Variants in ZEB1 observed in about 807,000 individuals in gnomAD.
ZEB1 encodes zinc finger E-box-binding homeobox 1.
Under a neutral mutation model 84.9 loss-of-function variants are expected in ZEB1, and 21 were observed. The ratio of observed to expected loss-of-function variants is 0.25; its 90% confidence interval spans 0.18 to 0.36. The LOEUF (loss-of-function observed/expected upper bound fraction) is 0.36. ZEB1 is among the 10% of genes least tolerant of loss of function. ZEB1 has a pLI of 1.00. For missense variants in ZEB1, 1,104 were observed against 1,330.2 expected, an observed-to-expected ratio of 0.83 and a Z score of 2.65; for synonymous variants, 420 against 471.1, an observed-to-expected ratio of 0.89 and a Z score of 1.41.
intron 1 of ZEB1, among the ~76,000 whole-genome samples, chr10:31,445,094 C>A (rs372435738): frequency 7.8e-6 from 1 of 128,918 alleles, no homozygotes; most frequent in African/African-American, 4.5e-5. Context: ...ATTTCCTTGA[C>A]CAGTGGTTTG....
In ZEB1 at chr10:31,409,391, C is replaced by T. The variant is rs1385346362; in HGVS notation, c.59-51646C>T. Among the ~76,000 whole-genome samples, 2 of 152,162 alleles carry T rather than the reference C, an allele frequency of 1.3e-5. 1 individual carries two copies. The highest frequency in any genetic ancestry group is 4.1e-4 in the South Asian group (2 of 4,830). On this transcript the variant is annotated intron_variant, in intron 1 of 8. Coordinates refer to ENST00000424869, the MANE Select transcript of ZEB1 (RefSeq NM_001174096.2). ...TGGTCTATATGTTTTGATACCAGTACCATGCTGTTTTGGTTACTGTAGCCT... is the reference window on the plus strand; with the variant it reads ...TGGTCTATATGTTTTGATACCAGTATCATGCTGTTTTGGTTACTGTAGCCT...
At chr10:31,416,444 T>C (rs1005064770) in intron 1 of ZEB1, among the ~76,000 whole-genome samples, 7 of 152,148 alleles carry the variant, frequency 4.6e-5, no homozygotes, top group African/African-American at 1.7e-4. Flanking sequence ...AAGCTCACAA[T>C]TACCTACATA....
intron 1 of ZEB1, among the ~76,000 whole-genome samples, chr10:31,451,651 A>G (rs1372517850): frequency 3.3e-5 from 5 of 152,140 alleles, no homozygotes; most frequent in Non-Finnish European, 7.4e-5. Context: ...CTTTTTTGGG[A>G]CTGAATTTAA....
At chr10:31,379,541 T>C (rs1181614383) in intron 1 of ZEB1, among the ~76,000 whole-genome samples, 1 of 152,022 alleles carries the variant, frequency 6.6e-6, no homozygotes, top group Non-Finnish European at 1.5e-5. Flanking sequence ...AAATAAATCT[T>C]TTAAAGCGTG....
chr10:31,529,740 T>G lies in ZEB1; in HGVS notation c.*2476T>G, dbSNP rs1379568341. 1 of 152,246 alleles carries G rather than the reference T, an allele frequency of 6.6e-6. No individual in the cohort carries two copies. Among genetic ancestry groups the G allele is most frequent in the Non-Finnish European group, 1.5e-5 (1 of 68,040 alleles). The allele number at this position is 152,246 out of a possible 1,614,324, so 9.4% of individuals were successfully genotyped here. A position where few individuals can be genotyped will look rare whatever the true frequency, so the allele number is the denominator to read the frequency against. ...ATGTTAAATGATCTAATAATTTGAT[T>G]ATTTTCTTATAAGTCTTATTAAACA... On this transcript the variant is annotated 3_prime_UTR_variant, in exon 9 of 9. Coordinates refer to ENST00000424869, the MANE Select transcript of ZEB1 (RefSeq NM_001174096.2).
chr10:31,318,935 C>A, upstream of ZEB1: 1 of 482,540 alleles, frequency 2.1e-6, no homozygotes, highest in Non-Finnish European at 3.8e-6. Flanking sequence ...CTGACCGCGT[C>A]CCTACGGTTT....
chr10:31,397,418 G>A (rs1364169409), intron 1 of ZEB1, among the ~76,000 whole-genome samples: 1 of 151,826 alleles, frequency 6.6e-6, no homozygotes, highest in Non-Finnish European at 1.5e-5. Context: ...TCAGTAAAAG[G>A]ACAGCTCAAT....
chr10:31,388,890 C>CTA (rs1293985827), intron 1 of ZEB1, among the ~76,000 whole-genome samples: 2 of 151,936 alleles, frequency 1.3e-5, no homozygotes. Context: ...ATAGAAATAA[C>CTA]TAAACAGGTT....
At chr10:31,467,833 A>G (rs747888366) in intron 2 of ZEB1, among the ~76,000 whole-genome samples, 2 of 152,024 alleles carry the variant, frequency 1.3e-5, no homozygotes, top group South Asian at 2.1e-4. Context: ...GGAAGGGTAT[A>G]GCCTCATAGC....
chr10:31,446,153 A>G (rs2059738896), intron 1 of ZEB1, among the ~76,000 whole-genome samples: 1 of 152,146 alleles, frequency 6.6e-6, no homozygotes, highest in East Asian at 1.9e-4. Context: ...GGGAGAGTGT[A>G]TGTGTCGAGG....
At chr10:31,443,732 G>C (rs1228946973) in intron 1 of ZEB1, among the ~76,000 whole-genome samples, 2 of 150,090 alleles carry the variant, frequency 1.3e-5, no homozygotes, top group African/African-American at 2.5e-5. Flanking sequence ...TCCTTACAAA[G>C]GACATGAACT....
intron 1 of ZEB1, among the ~76,000 whole-genome samples, chr10:31,395,648 C>T (rs1159670249): frequency 6.6e-6 from 1 of 152,112 alleles, no homozygotes; most frequent in Admixed American, 6.6e-5. Flanking sequence ...GAACCCTGAA[C>T]ATCAGAGAGC....
intron 1 of ZEB1, among the ~76,000 whole-genome samples, chr10:31,344,645 G>A (rs911480468): frequency 1.3e-5 from 2 of 152,084 alleles, no homozygotes; most frequent in African/African-American, 2.4e-5. Context: ...AAAAGAACTA[G>A]TTACCTTTAC....
At chr10:31,415,942 C>T (rs1291316896) in intron 1 of ZEB1, among the ~76,000 whole-genome samples, 1 of 152,032 alleles carries the variant, frequency 6.6e-6, no homozygotes, top group African/African-American at 2.4e-5. Flanking sequence ...AGCGTTAGAA[C>T]ATGGGATATC....
At chr10:31,396,600 A>C (rs1590811745) in intron 1 of ZEB1, among the ~76,000 whole-genome samples, 1 of 152,320 alleles carries the variant, frequency 6.6e-6, no homozygotes, top group East Asian at 1.9e-4. Flanking sequence ...AGCAGAAATC[A>C]CAAGCTGGTG....
chr10:31,444,757 T>A (rs1000996123), intron 1 of ZEB1, among the ~76,000 whole-genome samples: 87 of 151,902 alleles, frequency 5.7e-4, no homozygotes, highest in African/African-American at 9.5e-4. Context: ...GGCTCTGTTC[T>A]GTTCCATTGA....
chr10:31,324,418 A>G (rs1370323255), intron 1 of ZEB1, among the ~76,000 whole-genome samples: 1 of 152,048 alleles, frequency 6.6e-6, no homozygotes, highest in Non-Finnish European at 1.5e-5. Context: ...ACCTGTATAA[A>G]TCACTTTTAA....
intron 2 of ZEB1, among the ~76,000 whole-genome samples, chr10:31,491,454 G>A (rs1456503275): frequency 6.6e-6 from 1 of 151,814 alleles, no homozygotes; most frequent in East Asian, 1.9e-4. Flanking sequence ...GACTTTTCCT[G>A]CTCCTTGAGC....
At chr10:31,433,110 A>G (rs2057917160) in intron 1 of ZEB1, among the ~76,000 whole-genome samples, 1 of 152,230 alleles carries the variant, frequency 6.6e-6, no homozygotes, top group Non-Finnish European at 1.5e-5. Context: ...TGAATTTTAT[A>G]GTTACATTAA....
Sources: gnomAD v4.1 joint callset for allele counts (sites outside exome capture counted in the v4.1 genomes callset) on GRCh38, gnomAD v4.1.1 for gene constraint, MANE v1.5 for transcripts, NCBI Gene and HGNC (gene_info 2026-07-23, HGNC 2026-07-21) for gene names.